Variants in ADAMTSL1 observed in about 807,000 individuals in gnomAD.
ADAMTSL1 encodes the protein ADAMTS like 1.
A neutral mutation model predicts 201.8 loss-of-function variants in ADAMTSL1; 126 were observed. The observed-to-expected ratio is 0.62, with a 90% CI of 0.54 to 0.72. The LOEUF is 0.72. Ranked by LOEUF, ADAMTSL1 falls within the 30% of genes least tolerant of loss-of-function variation. The pLI is 0.00. For missense variants in ADAMTSL1, 2,679 were observed against 2,277.8 expected (o/e 1.18, Z -3.59); for synonymous variants, 1,121 against 903.4 (o/e 1.24, Z -4.32).
At chr9:18,186,832 AACACACACACACAC>A (rs35993162) in intron 2 of ADAMTSL1, among the ~76,000 whole-genome samples, 2 of 149,518 alleles carry the variant, frequency 1.3e-5, no homozygotes, top group African/African-American at 2.5e-5. Context: ...ATCACTGTAC[AACACACACACACAC>A]ACACACACAC....
At chr9:18,410,202 T>A (rs1053141284) in intron 2 of ADAMTSL1, among the ~76,000 whole-genome samples, 22 of 152,252 alleles carry the variant, frequency 1.4e-4, no homozygotes, top group Non-Finnish European at 2.9e-4. Context: ...TTCCTTTTTT[T>A]TTCTGTCAAC....
intron 2 of ADAMTSL1, among the ~76,000 whole-genome samples, chr9:18,382,278 C>T (rs1022833482): frequency 2.0e-5 from 3 of 152,130 alleles, no homozygotes; most frequent in African/African-American, 4.8e-5. Context: ...GTGAAGACTA[C>T]GTCTTTCTGT....
intron 2 of ADAMTSL1, among the ~76,000 whole-genome samples, chr9:18,522,350 C>T (rs1413845481): frequency 6.6e-6 from 1 of 152,058 alleles, no homozygotes; most frequent in African/African-American, 2.4e-5. Context: ...TGAAAAGAAG[C>T]TGACAGTACA....
chr9:18,612,669 T>C (rs1437892635), intron 4 of ADAMTSL1, among the ~76,000 whole-genome samples: 1 of 152,222 alleles, frequency 6.6e-6, no homozygotes, highest in Non-Finnish European at 1.5e-5. Context: ...TCTAGCCATA[T>C]GCAGAAAATT....
intron 2 of ADAMTSL1, among the ~76,000 whole-genome samples, chr9:18,182,513 C>A (rs1828541699): frequency 6.6e-6 from 1 of 152,132 alleles, no homozygotes; most frequent in Non-Finnish European, 1.5e-5. Context: ...CACAACATGT[C>A]TTGTGGCTCT....
At chr9:17,993,660 T>C (rs912902366) in intron 1 of ADAMTSL1, among the ~76,000 whole-genome samples, 6 of 152,172 alleles carry the variant, frequency 3.9e-5, no homozygotes, top group African/African-American at 1.2e-4. Flanking sequence ...TACACAGTTG[T>C]TATTAATGAG....
At chr9:18,193,580 T>C (rs953367875) in intron 2 of ADAMTSL1, among the ~76,000 whole-genome samples, 1 of 152,020 alleles carries the variant, frequency 6.6e-6, no homozygotes, top group Admixed American at 6.6e-5. Context: ...CAAATCCAGA[T>C]GTGAGGACAT....
chr9:18,252,275 A>G (rs1346275721), intron 2 of ADAMTSL1, among the ~76,000 whole-genome samples: 1 of 152,168 alleles, frequency 6.6e-6, no homozygotes, highest in Admixed American at 6.5e-5. Context: ...TGGAATCCAA[A>G]TGGCCTATAG....
intron 4 of ADAMTSL1, among the ~76,000 whole-genome samples, chr9:18,599,994 TACA>T (rs1366307838): frequency 1.4e-4 from 4 of 28,278 alleles, no homozygotes; most frequent in African/African-American, 2.9e-4. Context: ...CTACTAAAAA[TACA>T]AAAAAAAAAA....
intron 1 of ADAMTSL1, among the ~76,000 whole-genome samples, chr9:18,071,610 A>T (rs1409107811): frequency 1.3e-5 from 2 of 152,242 alleles, no homozygotes; most frequent in Non-Finnish European, 2.9e-5. Context: ...AAGTGAAGTG[A>T]CATTTTCAAA....
At chr9:18,817,021 G>A (rs943108733) in intron 20 of ADAMTSL1, 88 bp from the exon 21 acceptor site, 1 of 1,508,302 alleles carries the variant, frequency 6.6e-7, no homozygotes, top group Non-Finnish European at 8.9e-7. Flanking sequence ...GACCAGCCAT[G>A]CATTGGTGGT....
intron 1 of ADAMTSL1, among the ~76,000 whole-genome samples, chr9:18,086,651 A>C (rs1221025797): frequency 1.3e-5 from 2 of 152,202 alleles, no homozygotes; most frequent in African/African-American, 4.8e-5. Flanking sequence ...TACTATCTTC[A>C]GTGATCGGTA....
At chr9:18,044,280 T>C (rs1821565234) in intron 1 of ADAMTSL1, among the ~76,000 whole-genome samples, 1 of 151,932 alleles carries the variant, frequency 6.6e-6, no homozygotes, top group Non-Finnish European at 1.5e-5. Context: ...GTAGGGCTCA[T>C]GTTGAGCCCT....
chr9:18,398,537 G>GGCC (rs1164782133), intron 2 of ADAMTSL1, among the ~76,000 whole-genome samples: 1 of 152,084 alleles, frequency 6.6e-6, no homozygotes, highest in Non-Finnish European at 1.5e-5. Flanking sequence ...TGCCTTGAAA[G>GGCC]GCCCTGGGAT....
At chr9:17,960,393 A>G (rs1386053637) in intron 1 of ADAMTSL1, among the ~76,000 whole-genome samples, 2 of 152,196 alleles carry the variant, frequency 1.3e-5, no homozygotes, top group Non-Finnish European at 2.9e-5. Flanking sequence ...TTGAGATTCT[A>G]TACTGTGAAA....
chr9:18,414,998 C>A (rs1300528679), intron 2 of ADAMTSL1, among the ~76,000 whole-genome samples: 1 of 152,112 alleles, frequency 6.6e-6, no homozygotes, highest in Non-Finnish European at 1.5e-5. Flanking sequence ...AATAATTAGC[C>A]CCAATCTAAA....
At position 18,635,944 on chromosome 9, in the gene ADAMTSL1, G is replaced by A. The variant is rs140439822; in HGVS notation, c.603G>A (p.Ser201=). The change falls in exon 6 of 29, where the codon TCG becomes TCA. Residue 201 remains serine, a splice_region_variant and synonymous_variant. Coordinates refer to ENST00000380548, the MANE Select transcript of ADAMTSL1 (RefSeq NM_001040272.6). ...QYKSQLSATK[S]DDTVVAIPYG... ...AGATTTTGCTTTGTTTCTCTCTAGC[G>A]GATGATACTGTGGTTGCAATTCCCT... The A allele has an allele frequency of 4.4e-6, 7 of 1,597,970 alleles. No homozygotes were observed. Among genetic ancestry groups the A allele is most frequent in the South Asian group, 3.4e-5 (3 of 87,280 alleles).
At chr9:18,728,255 T>G (rs979921446) in intron 15 of ADAMTSL1, among the ~76,000 whole-genome samples, 2 of 152,280 alleles carry the variant, frequency 1.3e-5, no homozygotes, top group South Asian at 4.1e-4. Flanking sequence ...TCTAAAGAGA[T>G]AGAAACATCA....
At chr9:18,741,659 A>G (rs1818835143) in intron 15 of ADAMTSL1, among the ~76,000 whole-genome samples, 1 of 152,226 alleles carries the variant, frequency 6.6e-6, no homozygotes, top group Admixed American at 6.5e-5. Context: ...CAAAGTACGG[A>G]CAGGGCCATG....
Sources: gnomAD v4.1 joint callset for allele counts (sites outside exome capture counted in the v4.1 genomes callset) on GRCh38, gnomAD v4.1.1 for gene constraint, MANE v1.5 for transcripts, NCBI Gene and HGNC (gene_info 2026-07-23, HGNC 2026-07-21) for gene names.